Variants in CCM2 observed in about 807,000 individuals in gnomAD.
The protein encoded by CCM2 is CCM2 scaffold protein.
Under a neutral mutation model 44.9 loss-of-function variants are expected in CCM2, and 25 were observed. That is an observed-to-expected ratio of 0.56 (90% CI 0.41 to 0.78). The LOEUF (loss-of-function observed/expected upper bound fraction) is 0.78. Ranked by LOEUF, CCM2 falls within the 30% of genes least tolerant of loss-of-function variation. The pLI is 0.00. For missense variants in CCM2, 481 were observed against 580.6 expected, an observed-to-expected ratio of 0.83 and a Z score of 1.76; for synonymous variants, 219 against 241.1, an observed-to-expected ratio of 0.91 and a Z score of 0.85.
chr7:45,072,807 C>T, intron 7 of CCM2, 24 bp downstream of exon 7: 1 of 1,596,124 alleles, frequency 6.3e-7, no homozygotes, highest in Non-Finnish European at 8.6e-7. Context: ...CCACCAAGCC[C>T]TGCGGTGGGA....
rs201014323 is a variant in CCM2 at position 45,012,474 on chromosome 7, G to A, written c.30+12111G>A. Among the ~76,000 whole-genome samples, 3 of 152,048 alleles carry A rather than the reference G, an allele frequency of 2.0e-5. No individual in the cohort carries two copies. In the East Asian group the frequency reaches 5.8e-4, roughly 29 times the overall value. Reference sequence around the variant, plus strand: ...AAATGAATCTTTTTCATTATGACATGACCATCTTTATTTCTAGTAAGACTT... The same window carrying A: ...AAATGAATCTTTTTCATTATGACATAACCATCTTTATTTCTAGTAAGACTT... On this transcript the variant is annotated intron_variant, in intron 1 of 9. Coordinates refer to ENST00000258781, the MANE Select transcript of CCM2 (RefSeq NM_031443.4).
intron 1 of CCM2, among the ~76,000 whole-genome samples, chr7:45,019,695 A>G (rs150952705): frequency 6.7e-4 from 101 of 151,710 alleles, no homozygotes; most frequent in African/African-American, 2.2e-3. Context: ...CAATTCTCCT[A>G]CCTTAGCCTC....
intron 1 of CCM2, among the ~76,000 whole-genome samples, chr7:45,036,812 T>C (rs902225539): frequency 1.5e-4 from 23 of 152,114 alleles, no homozygotes; most frequent in African/African-American, 5.6e-4. Flanking sequence ...ATTGTATATA[T>C]GTTTTGTTAG....
chr7:45,041,721 G>T (rs990958131), intron 2 of CCM2, among the ~76,000 whole-genome samples: 1 of 152,216 alleles, frequency 6.6e-6, no homozygotes, highest in Non-Finnish European at 1.5e-5. Flanking sequence ...CTCCTCCAGA[G>T]AAAGTTGAAT....
rs201140198 is a variant in CCM2 at position 45,068,597 on chromosome 7, C to T, written c.609+18C>T. Reference sequence around the variant, plus strand: ...AGAGCAAGGTGAGACTTTCTCGCCCCACTTACTCAGAACTGGCTCCTCCCA... The same window carrying T: ...AGAGCAAGGTGAGACTTTCTCGCCCTACTTACTCAGAACTGGCTCCTCCCA... On this transcript the variant is annotated intron_variant, in intron 5 of 9. Coordinates refer to ENST00000258781, the MANE Select transcript of CCM2 (RefSeq NM_031443.4). 22 of 1,613,526 alleles carry T rather than the reference C, an allele frequency of 1.4e-5. No homozygotes were observed. The highest frequency in any genetic ancestry group is 1.8e-5 in the Non-Finnish European group (21 of 1,180,006).
intron 7 of CCM2, chr7:45,073,162 C>T (rs1583991854): frequency 1.7e-6 from 1 of 573,976 alleles, no homozygotes; most frequent in Non-Finnish European, 3.1e-6. Flanking sequence ...ATTCCTGCCA[C>T]CTCCCCAACC....
chr7:45,052,973 C>G (rs1228571150), intron 2 of CCM2, among the ~76,000 whole-genome samples: 1 of 152,222 alleles, frequency 6.6e-6, no homozygotes, highest in East Asian at 1.9e-4. Flanking sequence ...CTAAGTATGT[C>G]CGTTCCTCTT....
intron 1 of CCM2, among the ~76,000 whole-genome samples, chr7:45,020,128 C>CT (rs1360187145): frequency 6.6e-6 from 1 of 152,208 alleles, no homozygotes; most frequent in African/African-American, 2.4e-5. Flanking sequence ...CTCCACTCCT[C>CT]TGAGACTGGG....
At chr7:45,071,589 T>G in intron 6 of CCM2, 1 of 347,542 alleles carries the variant, frequency 2.9e-6, no homozygotes, top group Non-Finnish European at 5.7e-6. Flanking sequence ...CTTATAATTC[T>G]ATACGTTAAG....
chr7:45,022,872 C>T (rs1043337920), intron 1 of CCM2, among the ~76,000 whole-genome samples: 1 of 151,970 alleles, frequency 6.6e-6, no homozygotes, highest in Non-Finnish European at 1.5e-5. Flanking sequence ...TCTCGAGTAG[C>T]TGGGATTACA....
chr7:45,075,899 A>G lies in CCM2; in HGVS notation c.1177A>G (p.Ser393Gly). ...DSFGRHRRAL[S>G]TTSSSTTNGN... is the part of the protein sequence containing the mutation. ...CTTTGGCAGGCACCGGCGGGCCCTG[A>G]GCACCACATCCAGTTCCACCACCAA... The change falls in exon 10 of 10, where the codon AGC becomes GGC. Residue 393 changes from serine to glycine, a missense_variant. Transcript: ENST00000258781. The G allele has an allele frequency of 6.2e-7, 1 of 1,613,220 alleles. No homozygotes were observed. Among genetic ancestry groups the G allele is most frequent in the Non-Finnish European group, 8.5e-7 (1 of 1,180,014 alleles).
intron 1 of CCM2, among the ~76,000 whole-genome samples, chr7:45,003,544 C>T (rs1583826764): frequency 6.6e-6 from 1 of 151,800 alleles, no homozygotes; most frequent in East Asian, 2.0e-4. Context: ...ACCAGCCTGG[C>T]CAGCATGGTG....
rs374487728 is a variant in CCM2, at chr7:45,073,434, C to T, written c.804-26C>T. 90 of 1,571,054 alleles carry T rather than the reference C, an allele frequency of 5.7e-5. No individual in the cohort carries two copies. In the East Asian group the frequency reaches 6.9e-4, roughly 12 times the overall value. ...GGGATGGAGGGTCGGGGAAGCCACC[C>T]GCTCACATACCACATTCTTTCGCAG... On this transcript the variant is annotated intron_variant, in intron 7 of 9. Transcript: ENST00000258781.
chr7:45,052,085 C>G (rs1000357321), intron 2 of CCM2, among the ~76,000 whole-genome samples: 1 of 152,218 alleles, frequency 6.6e-6, no homozygotes, highest in Non-Finnish European at 1.5e-5. Flanking sequence ...GATGATGGTA[C>G]TTGCTGTCCC....
At chr7:45,046,364 A>G (rs1345685648) in intron 2 of CCM2, among the ~76,000 whole-genome samples, 3 of 152,274 alleles carry the variant, frequency 2.0e-5, no homozygotes, top group Admixed American at 1.3e-4. Flanking sequence ...TCATACTGCT[A>G]TCACAATCAA....
Position 45,027,518 on chromosome 7 carries a change from C to G in CCM2, c.31-10735C>G, listed in dbSNP as rs1344193749. The G allele has an allele frequency of 1.5e-5, 15 of 1,015,272 alleles. No individual in the cohort carries two copies. The East Asian group carries it at 3.9e-4, about 27-fold the overall frequency. The allele number at this position is 1,015,272 out of a possible 1,614,324, so 62.9% of individuals were successfully genotyped here. ...CTTTGTGTCTTTTTGTGCATGCAGACTGTTTGGATTTTGCCAACAGTTTCT... is the reference window on the plus strand; with the variant it reads ...CTTTGTGTCTTTTTGTGCATGCAGAGTGTTTGGATTTTGCCAACAGTTTCT... On this transcript the variant is annotated intron_variant, in intron 1 of 9. Coordinates refer to ENST00000258781, the MANE Select transcript of CCM2 (RefSeq NM_031443.4).
chr7:45,012,281 G>A (rs1051199082), intron 1 of CCM2, among the ~76,000 whole-genome samples: 10 of 151,728 alleles, frequency 6.6e-5, no homozygotes, highest in African/African-American at 1.2e-4. Flanking sequence ...TTACAGGCAT[G>A]CACCACCATG....
Position 45,026,347 on chromosome 7 carries a change from A to G in CCM2, c.31-11906A>G, listed in dbSNP as rs1796689169. Among the ~76,000 whole-genome samples, 3 of 152,160 alleles carry G rather than the reference A, an allele frequency of 2.0e-5. No homozygotes were observed. The South Asian group carries it at 6.2e-4, about 31-fold the overall frequency. On this transcript the variant is annotated intron_variant, in intron 1 of 9. Transcript: ENST00000258781. Reference sequence around the variant, plus strand: ...TTTCCAACTTTATGACAGTTTCTACATCTGTGGTATATGGAATAATAATTG... The same window carrying G: ...TTTCCAACTTTATGACAGTTTCTACGTCTGTGGTATATGGAATAATAATTG...
At chr7:45,007,483 T>C (rs1470433710) in intron 1 of CCM2, among the ~76,000 whole-genome samples, 1 of 152,218 alleles carries the variant, frequency 6.6e-6, no homozygotes, top group East Asian at 1.9e-4. Context: ...TAGGATTTTT[T>C]GTTTGTTTGT....
Sources: gnomAD v4.1 joint callset for allele counts (sites outside exome capture counted in the v4.1 genomes callset) on GRCh38, gnomAD v4.1.1 for gene constraint, MANE v1.5 for transcripts, NCBI Gene and HGNC (gene_info 2026-07-23, HGNC 2026-07-21) for gene names.